The following AFAP1 variants were observed in gnomAD, a reference collection of about 807,000 sequenced individuals.
AFAP1 encodes the protein actin filament-associated protein 1.
In AFAP1, 75 loss-of-function variants were observed where a neutral mutation model predicts 93.9. That is an observed-to-expected ratio of 0.80 (90% CI 0.66 to 0.97). The LOEUF (loss-of-function observed/expected upper bound fraction) is 0.97. Ranked by LOEUF, AFAP1 falls within the 50% of genes least tolerant of loss-of-function variation. AFAP1 has a pLI of 0.00. For synonymous variants in AFAP1, 517 were observed against 430.7 expected (o/e 1.20, Z -2.48); for missense variants, 1,201 against 1,050.8 (o/e 1.14, Z -1.98).
intron 3 of AFAP1, among the ~76,000 whole-genome samples, chr4:7,860,818 A>G (rs559159871): frequency 6.6e-6 from 1 of 152,260 alleles, no homozygotes; most frequent in Admixed American, 6.5e-5. Flanking sequence ...TTTTGCTCCC[A>G]TATCACACAG....
chr4:7,875,601 AGAGT>A (rs572214675), intron 1 of AFAP1, among the ~76,000 whole-genome samples: 139 of 148,202 alleles, frequency 9.4e-4, no homozygotes, highest in African/African-American at 3.2e-3. Context: ...CCTGGGTAAC[AGAGT>A]GAGACCCTGA....
At chr4:7,876,664 G>C (rs1717530788) in intron 1 of AFAP1, among the ~76,000 whole-genome samples, 1 of 152,206 alleles carries the variant, frequency 6.6e-6, no homozygotes, top group Non-Finnish European at 1.5e-5. Context: ...TCCCGGGCCT[G>C]TTGTTAGCTA....
At chr4:7,887,689 C>T (rs1718210820) in intron 1 of AFAP1, among the ~76,000 whole-genome samples, 2 of 152,192 alleles carry the variant, frequency 1.3e-5, no homozygotes, top group African/African-American at 4.8e-5. Flanking sequence ...TTCACGTACG[C>T]ATATACTCTT....
At chr4:7,933,019 C>CG (rs558003575) in intron 1 of AFAP1, among the ~76,000 whole-genome samples, 10 of 51,084 alleles carry the variant, frequency 2.0e-4, no homozygotes, top group African/African-American at 9.0e-4. Flanking sequence ...GACTCCCTCT[C>CG]AAAAAAAAAA....
chr4:7,785,586 A>T (rs1292353659), intron 12 of AFAP1, among the ~76,000 whole-genome samples: 1 of 152,168 alleles, frequency 6.6e-6, no homozygotes, highest in Non-Finnish European at 1.5e-5. Flanking sequence ...TCCAAGTATT[A>T]CTCTAACATG....
chr4:7,897,703 T>C (rs1718870084), intron 1 of AFAP1, among the ~76,000 whole-genome samples: 1 of 152,044 alleles, frequency 6.6e-6, no homozygotes, highest in East Asian at 1.9e-4. Context: ...TTTGTATTTT[T>C]AGTAGAGATG....
chr4:7,819,175 T>C lies in AFAP1; in HGVS notation c.727-4A>G, dbSNP rs768481556. On this transcript the variant is annotated splice_region_variant and splice_polypyrimidine_tract_variant and intron_variant, in intron 6 of 17. Coordinates refer to ENST00000420658, the MANE Select transcript of AFAP1 (RefSeq NM_001134647.2). ...CACTGTAGGCTTCTTTGATCACCTA[T>C]AAAAAGCACAGACACTTTGTGAGTA... 1.9e-6 allele frequency: 3 copies of C among 1,606,894 alleles called. No homozygotes were observed. The highest frequency in any genetic ancestry group is 2.2e-5 in the South Asian group (2 of 89,642).
chr4:7,935,515 TG>T (rs1314884190), intron 1 of AFAP1, among the ~76,000 whole-genome samples: 1 of 152,122 alleles, frequency 6.6e-6, no homozygotes, highest in Admixed American at 6.5e-5. Flanking sequence ...GCAGGTGACA[TG>T]GGAGAGAGAG....
chr4:7,821,541 C>T (rs866396920), intron 6 of AFAP1, among the ~76,000 whole-genome samples: 2 of 152,176 alleles, frequency 1.3e-5, no homozygotes, highest in African/African-American at 4.8e-5. Context: ...TCACGGGGGA[C>T]GTGCAGCAAA....
rs753078697 is a variant in AFAP1, at chr4:7,772,957, ACTC to A, written c.2113_2115del (p.Glu705del). 6.8e-6 allele frequency: 11 copies of A among 1,612,084 alleles called. No individual in the cohort carries two copies. The highest frequency in any genetic ancestry group is 4.5e-5 in the East Asian group (2 of 44,836). On this transcript the variant is annotated inframe_deletion, in exon 16 of 18. Transcript: ENST00000420658. ...ACACGCTCCGCCTCCTTCTGCCGGCACTCCTCCTCCAGCTGCTTCAGCTTCTCC... is the reference window on the plus strand; with the variant it reads ...ACACGCTCCGCCTCCTTCTGCCGGCACTCCTCCAGCTGCTTCAGCTTCTCC...
intron 1 of AFAP1, among the ~76,000 whole-genome samples, chr4:7,925,583 A>T (rs1720681563): frequency 6.6e-6 from 1 of 151,970 alleles, no homozygotes; most frequent in Admixed American, 6.5e-5. Flanking sequence ...GTGGTGGCTC[A>T]CGCCTGTAAT....
At chr4:7,766,752 T>G (rs745957007) in intron 17 of AFAP1, among the ~76,000 whole-genome samples, 1 of 152,050 alleles carries the variant, frequency 6.6e-6, no homozygotes, top group Non-Finnish European at 1.5e-5. Context: ...CATGCCTGGA[T>G]GGCCCTTGGC....
intron 11 of AFAP1, 142 bp from the exon 12 acceptor site, chr4:7,786,453 G>A (rs551591345): frequency 2.3e-5 from 16 of 706,494 alleles, no homozygotes; most frequent in East Asian, 2.0e-4. Context: ...ACAGAATCTC[G>A]GCAGAAATGA....
At chr4:7,930,802 G>A (rs1721024138) in intron 1 of AFAP1, among the ~76,000 whole-genome samples, 2 of 152,172 alleles carry the variant, frequency 1.3e-5, no homozygotes, top group Non-Finnish European at 2.9e-5. Context: ...CCAGGCTGGA[G>A]TGCAGTGGTG....
intron 2 of AFAP1, among the ~76,000 whole-genome samples, chr4:7,869,023 G>C (rs571178308): frequency 1.6e-5 from 2 of 124,194 alleles, no homozygotes; most frequent in East Asian, 4.5e-4. Context: ...AAGGGAAAGG[G>C]AAAGAAAAAA....
At chr4:7,806,701 C>T (rs6856818) in intron 9 of AFAP1, among the ~76,000 whole-genome samples, 23,313 of 152,150 alleles carry the variant, frequency 0.15, 1,824 homozygotes, top group Middle Eastern at 0.19. Flanking sequence ...CTCCCCTCTC[C>T]CCTTTCCCCT....
At chr4:7,911,374 C>T (rs1022420560) in intron 1 of AFAP1, among the ~76,000 whole-genome samples, 2 of 152,192 alleles carry the variant, frequency 1.3e-5, no homozygotes, top group African/African-American at 4.8e-5. Flanking sequence ...CTGACCCGGG[C>T]CTCGCCCATG....
intron 4 of AFAP1, among the ~76,000 whole-genome samples, chr4:7,854,854 G>A (rs1009209721): frequency 1.2e-4 from 19 of 152,168 alleles, no homozygotes; most frequent in East Asian, 3.8e-4. Flanking sequence ...AATGAATTCC[G>A]GAGACTCAAC....
intron 6 of AFAP1, among the ~76,000 whole-genome samples, chr4:7,830,845 G>A (rs1475514927): frequency 2.0e-5 from 3 of 152,128 alleles, no homozygotes; most frequent in Non-Finnish European, 4.4e-5. Context: ...CTGGCCTCAA[G>A]TGATCCTCCC....
Sources: gnomAD v4.1 joint callset for allele counts (sites outside exome capture counted in the v4.1 genomes callset) on GRCh38, gnomAD v4.1.1 for gene constraint, MANE v1.5 for transcripts, NCBI Gene and HGNC (gene_info 2026-07-23, HGNC 2026-07-21) for gene names.